The following MAPK8 variants were observed in gnomAD, a reference collection of about 807,000 sequenced individuals.
MAPK8 encodes the protein mitogen-activated protein kinase 8, also known as JUN N-terminal kinase.
Under a neutral mutation model 52.9 loss-of-function variants are expected in MAPK8, and 13 were observed. The observed-to-expected ratio is 0.25, with a 90% CI of 0.16 to 0.39. MAPK8 has a LOEUF of 0.39. Among genes scored for constraint, MAPK8 ranks in the 10% least tolerant of loss-of-function variants. MAPK8 has a pLI of 1.00. For synonymous variants in MAPK8, 191 were observed against 169.8 expected (o/e 1.12, Z -0.97); for missense variants, 300 against 519.2 (o/e 0.58, Z 4.10).
At chr10:48,324,998 T>C (rs1013531296) in intron 1 of MAPK8, among the ~76,000 whole-genome samples, 28 of 151,916 alleles carry the variant, frequency 1.8e-4, no homozygotes, top group African/African-American at 6.0e-4. Flanking sequence ...TTTTTTGAGA[T>C]GGAGTCTTGC....
chr10:48,421,032 T>TAG (rs2043323932), intron 6 of MAPK8, among the ~76,000 whole-genome samples: 1 of 152,216 alleles, frequency 6.6e-6, no homozygotes, highest in Non-Finnish European at 1.5e-5. Flanking sequence ...GATGAATAAA[T>TAG]CTGCTAAGAA....
chr10:48,326,846 T>C (rs1180225161), intron 1 of MAPK8, among the ~76,000 whole-genome samples: 1 of 152,218 alleles, frequency 6.6e-6, no homozygotes, highest in Non-Finnish European at 1.5e-5. Context: ...ACCATTTATT[T>C]ACTTAGTTGT....
rs775095582 is a variant in MAPK8, at chr10:48,353,827, A to AT, written c.-50+47007dup. ...TTCTTGAAATGACAAAATTATAGAC[A>AT]TGGAGGACAAATAACAGATTAGTTG... On this transcript the variant is annotated intron_variant, in intron 1 of 11. Transcript: ENST00000374189. Among the ~76,000 whole-genome samples the AT allele has an allele frequency of 3.3e-5, 5 of 152,364 alleles. 1 individual carries two copies. The highest frequency in any genetic ancestry group is 3.9e-4 in the East Asian group (2 of 5,188).
intron 1 of MAPK8, among the ~76,000 whole-genome samples, chr10:48,350,427 A>G (rs970685512): frequency 6.6e-6 from 1 of 152,246 alleles, no homozygotes; most frequent in African/African-American, 2.4e-5. Context: ...ACCATGATCA[A>G]GTCTGCTTCA....
At chr10:48,414,439 A>T (rs931269151) in intron 5 of MAPK8, among the ~76,000 whole-genome samples, 4 of 120,270 alleles carry the variant, frequency 3.3e-5, no homozygotes, top group Non-Finnish European at 4.9e-5. Flanking sequence ...TTTGAAAAGT[A>T]TTGAGAGGAT....
chr10:48,432,738 T>C (rs1005060789), intron 11 of MAPK8, among the ~76,000 whole-genome samples: 1 of 152,218 alleles, frequency 6.6e-6, no homozygotes, highest in African/African-American at 2.4e-5. Context: ...TTTGTATTTG[T>C]TCTTAATTTG....
At chr10:48,376,495 G>A (rs1189677586) in intron 1 of MAPK8, among the ~76,000 whole-genome samples, 2 of 152,100 alleles carry the variant, frequency 1.3e-5, no homozygotes, top group Admixed American at 6.6e-5. Context: ...CTGACAAAGC[G>A]CTAATATCCA....
At position 48,426,173 on chromosome 10, in the gene MAPK8, C is replaced by T. The variant is rs2133240306; in HGVS notation, c.871+103C>T. The stretch of plus-strand genomic sequence containing the variant: ...ATTCATATTCTTATGGGACATGAAC[C>T]CAAGGTTTTCTCTGGATGGTGGGGA... On this transcript the variant is annotated intron_variant, in intron 8 of 11. Coordinates refer to ENST00000374189, the MANE Select transcript of MAPK8 (RefSeq NM_001323329.2). The T allele has an allele frequency of 3.6e-6, 4 of 1,124,106 alleles. No individual in the cohort carries two copies. In the South Asian group the frequency reaches 6.2e-5, roughly 18 times the overall value. The allele number at this position is 1,124,106 out of a possible 1,614,324, so 69.6% of individuals were successfully genotyped here.
At chr10:48,416,175 T>C (rs1005290227) in intron 5 of MAPK8, among the ~76,000 whole-genome samples, 4 of 152,098 alleles carry the variant, frequency 2.6e-5, no homozygotes, top group African/African-American at 9.7e-5. Context: ...TTTCATCCCT[T>C]GGGGGTTCAG....
rs145791797 is a variant in MAPK8, at chr10:48,385,334, C to T, written c.-49-16278C>T. ...GTTAACATTGCTGACATTCATGAATCAAAAAACCCAAACCACAAAAAAACA... is the reference window on the plus strand; with the variant it reads ...GTTAACATTGCTGACATTCATGAATTAAAAAACCCAAACCACAAAAAAACA... On this transcript the variant is annotated intron_variant, in intron 1 of 11. Transcript: ENST00000374189. Among the ~76,000 whole-genome samples, 18 of 152,174 alleles carry T rather than the reference C, an allele frequency of 1.2e-4. No individual in the cohort carries two copies. The East Asian group carries it at 3.5e-3, about 29-fold the overall frequency.
chr10:48,406,857 T>A (rs1390104616), intron 3 of MAPK8, among the ~76,000 whole-genome samples: 2 of 152,196 alleles, frequency 1.3e-5, no homozygotes, highest in African/African-American at 2.4e-5. Flanking sequence ...TAGCACACAG[T>A]ACTGCACGTC....
Position 48,413,991 on chromosome 10 carries a change from G to A in MAPK8, c.450+3823G>A, listed in dbSNP as rs138207923. 5.8e-4 allele frequency among the ~76,000 whole-genome samples: 88 copies of A among 151,026 alleles called. No homozygotes were observed. In the East Asian group the frequency reaches 0.014, roughly 24 times the overall value. On this transcript the variant is annotated intron_variant, in intron 5 of 11. Transcript: ENST00000374189. ...TATTATATTTGAAGATTGTATGCTC[G>A]TTACCACAATCTTAACTTTAGAAAA...
In MAPK8 at chr10:48,404,173, C is replaced by CT. The variant is rs373695876; in HGVS notation, c.123-666dup. ...AAATCTTTTGAGTAGAATTTATATG[C>CT]TTTTTTTTTTTTTGAGGGAGTCTAC... On this transcript the variant is annotated intron_variant, in intron 2 of 11. Coordinates refer to ENST00000374189, the MANE Select transcript of MAPK8 (RefSeq NM_001323329.2). Among the ~76,000 whole-genome samples the CT allele has an allele frequency of 6.7e-3, 940 of 141,234 alleles. 13 individuals are homozygous for CT. The highest frequency in any genetic ancestry group is 0.019 in the African/African-American group (713 of 38,438). The allele number at this position is 141,234 out of a possible 152,430, so 92.7% of individuals were successfully genotyped here.
At chr10:48,362,585 C>T (rs1210357332) in intron 1 of MAPK8, among the ~76,000 whole-genome samples, 1 of 151,370 alleles carries the variant, frequency 6.6e-6, no homozygotes, top group Non-Finnish European at 1.5e-5. Flanking sequence ...GTAGGGGTTT[C>T]TAAAATCATT....
At position 48,413,839 on chromosome 10, in the gene MAPK8, A is replaced by ATATATG. The variant is rs1176318350; in HGVS notation, c.450+3676_450+3677insGTATAT. On this transcript the variant is annotated intron_variant, in intron 5 of 11. Coordinates refer to ENST00000374189, the MANE Select transcript of MAPK8 (RefSeq NM_001323329.2). ...GTTATATATATATATATATATATAT[A>ATATATG]TATATATATATATATATATATTCAG... Among the ~76,000 whole-genome samples the ATATATG allele has an allele frequency of 2.7e-5, 3 of 110,850 alleles. 1 individual carries two copies. The highest frequency in any genetic ancestry group is 1.0e-4 in the African/African-American group (3 of 28,772). The allele number at this position is 110,850 out of a possible 152,430, so 72.7% of individuals were successfully genotyped here. A position where few individuals can be genotyped will look rare whatever the true frequency, so the allele number is the denominator to read the frequency against.
chr10:48,420,796 G>A (rs1405973406), intron 6 of MAPK8, among the ~76,000 whole-genome samples: 1 of 152,158 alleles, frequency 6.6e-6, no homozygotes, highest in East Asian at 1.9e-4. Flanking sequence ...TAATTAAGGT[G>A]ACCTCTTGAA....
At chr10:48,430,616 T>A (rs1169479531) in intron 10 of MAPK8, 1 of 152,594 alleles carries the variant, frequency 6.6e-6, no homozygotes, top group African/African-American at 2.4e-5. Flanking sequence ...TGGAGAAATG[T>A]TCTTCGAAGT....
intron 1 of MAPK8, among the ~76,000 whole-genome samples, chr10:48,315,870 G>A (rs1014867629): frequency 6.6e-5 from 10 of 151,596 alleles, no homozygotes; most frequent in Non-Finnish European, 1.2e-4. Context: ...TGCATTTATA[G>A]TGGTGATTTT....
intron 1 of MAPK8, among the ~76,000 whole-genome samples, chr10:48,341,616 C>G (rs888562894): frequency 1.3e-5 from 2 of 152,200 alleles, no homozygotes; most frequent in African/African-American, 4.8e-5. Context: ...ATGCGCCAGG[C>G]AGTATGCTTA....
Sources: gnomAD v4.1 joint callset for allele counts (sites outside exome capture counted in the v4.1 genomes callset) on GRCh38, gnomAD v4.1.1 for gene constraint, MANE v1.5 for transcripts, NCBI Gene and HGNC (gene_info 2026-07-23, HGNC 2026-07-21) for gene names.